Variants in UGT2A2 observed in about 807,000 individuals in gnomAD.
UGT2A2 encodes UDP-glucuronosyltransferase 2A2.
Under a neutral mutation model 50.7 loss-of-function variants are expected in UGT2A2, and 60 were observed. The observed-to-expected ratio is 1.18, with a 90% CI of 0.96 to 1.47. The LOEUF (loss-of-function observed/expected upper bound fraction) is 1.47. UGT2A2 is among the 40% of genes most tolerant of loss of function. The pLI is 0.00. For synonymous variants in UGT2A2, 242 were observed against 214.6 expected (o/e 1.13, Z -1.11); for missense variants, 762 against 634.0 (o/e 1.20, Z -2.17).
intron 1 of UGT2A2, among the ~76,000 whole-genome samples, chr4:69,629,620 G>A (rs982218979): frequency 2.4e-4 from 37 of 152,036 alleles, no homozygotes; most frequent in African/African-American, 8.2e-4. Flanking sequence ...GTTCAGGTGA[G>A]TTAGTTGATA....
At chr4:69,627,366 T>A (rs1210532371) in intron 1 of UGT2A2, among the ~76,000 whole-genome samples, 1 of 151,812 alleles carries the variant, frequency 6.6e-6, no homozygotes, top group Non-Finnish European at 1.5e-5. Context: ...TCATATCACA[T>A]ACTACATTAC....
In UGT2A2 at chr4:69,599,302, G is replaced by GT; in HGVS notation, c.834dup (p.Pro279ThrfsTer2). 1 of 1,613,794 alleles carries GT rather than the reference G, an allele frequency of 6.2e-7. No homozygotes were observed. Among genetic ancestry groups the GT allele is most frequent in the Non-Finnish European group, 8.5e-7 (1 of 1,179,918 alleles). ...AATCCTCCAACAAACTCAAAATTAGGTAAGTATGGACGAGGAAATTCAAAA... is the reference window on the plus strand; with the variant it reads ...AATCCTCCAACAAACTCAAAATTAGGTTAAGTATGGACGAGGAAATTCAAAA... On this transcript the variant is annotated frameshift_variant, in exon 2 of 6. Transcript: ENST00000604629. LOFTEE classifies it high-confidence loss of function.
At chr4:69,615,891 G>A (rs924966235) in intron 1 of UGT2A2, among the ~76,000 whole-genome samples, 5 of 151,920 alleles carry the variant, frequency 3.3e-5, no homozygotes, top group Admixed American at 6.6e-5. Flanking sequence ...CATATGATCC[G>A]ACAATCACAC....
At chr4:69,610,008 T>A (rs1420741524) in intron 1 of UGT2A2, among the ~76,000 whole-genome samples, 3 of 152,166 alleles carry the variant, frequency 2.0e-5, no homozygotes, top group African/African-American at 7.2e-5. Context: ...AACATATAAC[T>A]AGCAGACCTA....
chr4:69,619,903 A>C (rs1720643364), intron 1 of UGT2A2, among the ~76,000 whole-genome samples: 1 of 152,006 alleles, frequency 6.6e-6, no homozygotes, highest in Non-Finnish European at 1.5e-5. Context: ...AAAAACCACA[A>C]GATTACCTCA....
chr4:69,636,511 A>G (rs1431850043), intron 1 of UGT2A2, among the ~76,000 whole-genome samples: 1 of 148,848 alleles, frequency 6.7e-6, no homozygotes, highest in African/African-American at 2.5e-5. Context: ...CTTAAATGAT[A>G]GAATTTCTGA....
intron 1 of UGT2A2, among the ~76,000 whole-genome samples, chr4:69,636,643 A>C (rs1721727462): frequency 6.6e-6 from 1 of 152,064 alleles, no homozygotes; most frequent in African/African-American, 2.4e-5. Context: ...CATACCAGAA[A>C]CCATTTATTT....
At chr4:69,615,380 C>A (rs1720318108) in intron 1 of UGT2A2, among the ~76,000 whole-genome samples, 1 of 151,918 alleles carries the variant, frequency 6.6e-6, no homozygotes, top group South Asian at 2.1e-4. Flanking sequence ...ATCACATCAA[C>A]CTCAACCGAA....
rs150970095 is a variant in UGT2A2, at chr4:69,594,666, T to C, written c.1142A>G (p.His381Arg). The C allele has an allele frequency of 7.5e-5, 121 of 1,613,892 alleles. No individual in the cohort carries two copies. In the African/African-American group the frequency reaches 1.4e-3, roughly 19 times the overall value. Reference sequence around the variant, plus strand: ...TTCGTAGATCCCATTAGTTCCACCATGAGTGATAAAAGCTTTGGTTTTGGG... The same window carrying C: ...TTCGTAGATCCCATTAGTTCCACCACGAGTGATAAAAGCTTTGGTTTTGGG... The part of the protein sequence containing the change: ...GHPKTKAFIT[H>R]GGTNGIYEAI... The change falls in exon 5 of 6, where the codon CAT (histidine) becomes CGT (arginine). Residue 381 changes from histidine to arginine, a missense_variant. His to Arg is a conservative substitution (Grantham distance 29). Transcript: ENST00000604629.
intron 1 of UGT2A2, among the ~76,000 whole-genome samples, chr4:69,620,531 TATC>T (rs1177378898): frequency 6.6e-6 from 1 of 151,818 alleles, no homozygotes; most frequent in Admixed American, 6.6e-5. Flanking sequence ...GAATAATCGA[TATC>T]ATTAAAATGG....
At chr4:69,632,344 C>T (rs1439010617) in intron 1 of UGT2A2, among the ~76,000 whole-genome samples, 1 of 151,948 alleles carries the variant, frequency 6.6e-6, no homozygotes, top group Non-Finnish European at 1.5e-5. Flanking sequence ...AATTTTTTTT[C>T]CACAAGTAGG....
At position 69,627,598 on chromosome 4, in the gene UGT2A2, A is replaced by AAAAGAAAG. The variant is rs143064060; in HGVS notation, c.742+11293_742+11300dup. On this transcript the variant is annotated intron_variant, in intron 1 of 5. Coordinates refer to ENST00000604629, the MANE Select transcript of UGT2A2 (RefSeq NM_001105677.2). ...AGAGAGAAAGAAAAAAAGAAGAAAG[A>AAAAGAAAG]AAAGAAAGAAAGAAAGAGAAGAAAG... is the stretch of plus-strand genomic sequence containing the variant. Among the ~76,000 whole-genome samples, 473 of 149,216 alleles carry AAAAGAAAG rather than the reference A, an allele frequency of 3.2e-3. 3 individuals carry two copies. The highest frequency in any genetic ancestry group is 3.4e-3 in the African/African-American group (139 of 40,626).
Position 69,625,328 on chromosome 4 carries a change from C to A in UGT2A2, c.742+13571G>T, listed in dbSNP as rs1016126461. ...CTTGGATCTATTTGTATATGGAATT[C>A]ACCAAATTTGAAAAATTTGGGGCCA... On this transcript the variant is annotated intron_variant, in intron 1 of 5. Transcript: ENST00000604629. Among the ~76,000 whole-genome samples, 8 of 150,720 alleles carry A rather than the reference C, an allele frequency of 5.3e-5. No individual in the cohort carries two copies. The Admixed American group carries it at 5.3e-4, about 10-fold the overall frequency.
At chr4:69,618,959 C>A (rs968715338) in intron 1 of UGT2A2, among the ~76,000 whole-genome samples, 1 of 151,476 alleles carries the variant, frequency 6.6e-6, no homozygotes, top group Non-Finnish European at 1.5e-5. Context: ...GTTTAACATA[C>A]TTTAAATTAA....
chr4:69,632,434 G>T (rs1366166818), intron 1 of UGT2A2, among the ~76,000 whole-genome samples: 1 of 152,062 alleles, frequency 6.6e-6, no homozygotes, highest in Admixed American at 6.5e-5. Flanking sequence ...CCCACGTTAT[G>T]ATTTCTTTGA....
At chr4:69,598,420 C>A (rs779585391) in intron 2 of UGT2A2, among the ~76,000 whole-genome samples, 1 of 152,030 alleles carries the variant, frequency 6.6e-6, no homozygotes, top group Non-Finnish European at 1.5e-5. Flanking sequence ...TTCTGTATAA[C>A]ATTTCTTATA....
At chr4:69,624,031 TTCC>T (rs1197900685) in intron 1 of UGT2A2, among the ~76,000 whole-genome samples, 1 of 151,576 alleles carries the variant, frequency 6.6e-6, no homozygotes, top group Non-Finnish European at 1.5e-5. Flanking sequence ...ACTCTGTTAT[TTCC>T]TCATTTATTT....
At chr4:69,596,418 G>T in intron 2 of UGT2A2, 37 bp from the exon 3 acceptor site, 1 of 1,457,196 alleles carries the variant, frequency 6.9e-7, no homozygotes, top group Non-Finnish European at 9.1e-7. Flanking sequence ...CAAAGGTGTA[G>T]CATCATAAGA....
intron 1 of UGT2A2, among the ~76,000 whole-genome samples, chr4:69,631,733 T>C (rs1430299864): frequency 6.6e-6 from 1 of 152,156 alleles, no homozygotes; most frequent in East Asian, 1.9e-4. Flanking sequence ...CTGTAGCCAC[T>C]ACATCAGGGT....
Sources: allele counts gnomAD v4.1 joint callset (sites outside exome capture counted in the v4.1 genomes callset), GRCh38; gene constraint gnomAD v4.1.1; transcripts MANE v1.5; gene names NCBI Gene and HGNC (gene_info 2026-07-23, HGNC 2026-07-21).